FGD5: variants seen among roughly 807,000 people sequenced by gnomAD.
The protein encoded by FGD5 is FYVE, RhoGEF and PH domain-containing protein 5.
Under a neutral mutation model 133.4 loss-of-function variants are expected in FGD5, and 28 were observed. The observed-to-expected ratio is 0.21, with a 90% CI of 0.16 to 0.29. The LOEUF is 0.29. Ranked by LOEUF, FGD5 falls within the 10% of genes least tolerant of loss-of-function variation. FGD5 has a pLI of 1.00. For missense variants in FGD5, 1,858 were observed against 1,895.2 expected, an observed-to-expected ratio of 0.98 and a Z score of 0.36; for synonymous variants, 810 against 776.5, an observed-to-expected ratio of 1.04 and a Z score of -0.72.
intron 4 of FGD5, among the ~76,000 whole-genome samples, chr3:14,884,653 C>T (rs1261758422): frequency 6.6e-6 from 1 of 152,158 alleles, no homozygotes; most frequent in East Asian, 1.9e-4. Flanking sequence ...GAAATTTCGA[C>T]AGGGCACGGT....
chr3:14,811,247 C>T (rs1186276412), intron 1 of FGD5: 16 of 152,250 alleles, frequency 1.1e-4, no homozygotes, highest in Admixed American at 9.2e-4. Flanking sequence ...TCCCCAGCGT[C>T]CCGGACCGGT....
intron 4 of FGD5, among the ~76,000 whole-genome samples, chr3:14,882,798 A>G (rs1226939469): frequency 6.6e-6 from 1 of 152,030 alleles, no homozygotes; most frequent in Non-Finnish European, 1.5e-5. Flanking sequence ...TAGAGGGGGC[A>G]GACATCTCCC....
intron 11 of FGD5, among the ~76,000 whole-genome samples, chr3:14,915,651 CAT>C (rs1014240686): frequency 5.9e-5 from 9 of 151,672 alleles, no homozygotes; most frequent in African/African-American, 1.9e-4. Context: ...CACCCTAGTT[CAT>C]GTTGGCATTT....
intron 18 of FGD5, among the ~76,000 whole-genome samples, chr3:14,928,914 G>A (rs1307500145): frequency 6.6e-6 from 1 of 151,828 alleles, no homozygotes; most frequent in African/African-American, 2.4e-5. Context: ...CAATGTTTTT[G>A]TACCTTTTTT....
intron 13 of FGD5, among the ~76,000 whole-genome samples, chr3:14,919,951 TG>T (rs1426704316): frequency 1.3e-5 from 2 of 152,172 alleles, no homozygotes; most frequent in Non-Finnish European, 2.9e-5. Context: ...CATTTGAATT[TG>T]GGGGGACACA....
chr3:14,927,907 AGT>A (rs1006460917), intron 18 of FGD5, among the ~76,000 whole-genome samples: 7 of 149,722 alleles, frequency 4.7e-5, no homozygotes, highest in Admixed American at 3.3e-4. Context: ...TGGGACCACA[AGT>A]GTGTGACGCC....
At chr3:14,834,843 A>G (rs772992472) in intron 1 of FGD5, among the ~76,000 whole-genome samples, 2 of 152,156 alleles carry the variant, frequency 1.3e-5, no homozygotes, top group Non-Finnish European at 1.5e-5. Flanking sequence ...CTTGCCTTCT[A>G]TTTTACAAGA....
At chr3:14,843,801 G>A (rs757862565) in intron 1 of FGD5, among the ~76,000 whole-genome samples, 5 of 148,130 alleles carry the variant, frequency 3.4e-5, no homozygotes, top group Admixed American at 6.9e-5. Flanking sequence ...CGTGATTCTC[G>A]TGCCTCAACC....
intron 1 of FGD5, among the ~76,000 whole-genome samples, chr3:14,821,867 C>T (rs750165372): frequency 6.6e-6 from 1 of 152,094 alleles, no homozygotes; most frequent in East Asian, 1.9e-4. Context: ...TTTGGGAGGC[C>T]GAGGCGGGCA....
chr3:14,842,330 A>C (rs2036939608), intron 1 of FGD5, among the ~76,000 whole-genome samples: 2 of 152,292 alleles, frequency 1.3e-5, no homozygotes, highest in South Asian at 2.1e-4. Context: ...AGGCATGGTC[A>C]CAGAGACCAA....
At chr3:14,902,818 G>T (rs1212825669) in intron 9 of FGD5, among the ~76,000 whole-genome samples, 1 of 152,198 alleles carries the variant, frequency 6.6e-6, no homozygotes, top group Non-Finnish European at 1.5e-5. Flanking sequence ...TCTGCTTCCA[G>T]AGAGAAAAAC....
intron 1 of FGD5, among the ~76,000 whole-genome samples, chr3:14,855,651 G>T (rs1446127417): frequency 2.7e-5 from 4 of 147,844 alleles, no homozygotes; most frequent in Non-Finnish European, 4.5e-5. Flanking sequence ...CCATTTGTAT[G>T]TTTTTTTTTT....
At chr3:14,882,310 T>C in intron 4 of FGD5, 1 of 985,388 alleles carries the variant, frequency 1.0e-6, no homozygotes, top group East Asian at 1.1e-4. Flanking sequence ...CTTGCATCTA[T>C]GTTTGCCCTG....
intron 18 of FGD5, chr3:14,931,955 T>G (rs941587369): frequency 2.6e-5 from 4 of 152,208 alleles, no homozygotes; most frequent in African/African-American, 9.7e-5. Flanking sequence ...GAGCCTTGGT[T>G]TCTTCTTAGA....
chr3:14,811,300 G>C (rs1350550790), intron 1 of FGD5: 1 of 152,236 alleles, frequency 6.6e-6, no homozygotes, highest in Non-Finnish European at 1.5e-5. Context: ...CACGGGGCCC[G>C]TCCCGGAGCT....
rs1040722311 is a variant in FGD5, at chr3:14,922,306, C to T, written c.3670-105C>T. 1 of 1,478,526 alleles carries T rather than the reference C, an allele frequency of 6.8e-7. No individual in the cohort carries two copies. The highest frequency in any genetic ancestry group is 1.4e-5 in the African/African-American group (1 of 71,822). 91.6% of individuals were successfully genotyped at this position (1,478,526 alleles called of 1,614,324 possible). On this transcript the variant is annotated intron_variant, in intron 14 of 19. Coordinates refer to ENST00000285046, the MANE Select transcript of FGD5 (RefSeq NM_152536.4). The surrounding 1 kb of genome is among the most constrained non-coding windows in gnomAD (Gnocchi z 4.1). ...TTCACATCAGACCCACTCACCCACA[C>T]ATCACACACCCTGCACAGAGACGCA...
intron 4 of FGD5, among the ~76,000 whole-genome samples, chr3:14,881,013 G>T (rs2037814831): frequency 6.6e-6 from 1 of 152,208 alleles, no homozygotes; most frequent in South Asian, 2.1e-4. Flanking sequence ...CTGAGGTTTT[G>T]TGCAGGTTGT....
chr3:14,889,800 C>T (rs1057294184), intron 4 of FGD5, among the ~76,000 whole-genome samples: 10 of 152,060 alleles, frequency 6.6e-5, no homozygotes, highest in African/African-American at 1.7e-4. Flanking sequence ...ATTAATAAAA[C>T]GGAATCCTTC....
At chr3:14,833,744 G>A (rs145095420) in intron 1 of FGD5, among the ~76,000 whole-genome samples, 12 of 152,306 alleles carry the variant, frequency 7.9e-5, no homozygotes, top group African/African-American at 2.9e-4. Flanking sequence ...AGTTCTAAAA[G>A]GCCCCTCCTG....
Sources: gnomAD v4.1 joint callset for allele counts (sites outside exome capture counted in the v4.1 genomes callset) on GRCh38, gnomAD v4.1.1 for gene constraint, Gnocchi (gnomAD v3.1) non-coding constraint, MANE v1.5 for transcripts, NCBI Gene and HGNC (gene_info 2026-07-23, HGNC 2026-07-21) for gene names.